Variants in PIGO observed in about 807,000 individuals in gnomAD.
The protein encoded by PIGO is GPI ethanolamine phosphate transferase 3, catalytic subunit.
PIGO carries 66 observed loss-of-function variants against 86.9 expected under a neutral mutation model. The observed-to-expected ratio is 0.76, with a 90% confidence interval of 0.62 to 0.93. The LOEUF (loss-of-function observed/expected upper bound fraction) is 0.93, where lower values mean the gene tolerates loss of function less well. Ranked by LOEUF, PIGO falls within the 40% of genes least tolerant of loss-of-function variation. The pLI is 0.00. For synonymous variants in PIGO, 570 were observed against 556.4 expected (o/e 1.02, Z -0.34); for missense variants, 1,202 against 1,359.1 (o/e 0.88, Z 1.82).
chr9:35,092,935 G>T (rs1829501386), intron 6 of PIGO, 95 bp downstream of exon 6: 1 of 1,445,630 alleles, frequency 6.9e-7, no homozygotes, highest in Non-Finnish European at 9.3e-7. Context: ...TGGAAGGTGG[G>T]ACTAAGACTA....
chr9:35,090,006 A>C, intron 9 of PIGO, 60 bp downstream of exon 9: 1 of 1,560,728 alleles, frequency 6.4e-7, no homozygotes, highest in Non-Finnish European at 8.7e-7. Context: ...AAGGTCTGAA[A>C]GAAAGTGATG....
chr9:35,094,942 C>G, intron 2 of PIGO, 113 bp downstream of exon 2: 1 of 1,402,858 alleles, frequency 7.1e-7, no homozygotes, highest in South Asian at 1.4e-5. Flanking sequence ...TCCTCTGTCC[C>G]CCTACACCAT....
rs1829383304 is a variant in PIGO, at chr9:35,090,771, C to T, written c.2648-99G>A. On this transcript the variant is annotated intron_variant, in intron 7 of 10. Transcript: ENST00000378617. ...TACTCCTACTACTTCAGTATCAATT[C>T]TCATACACACTCAAATGCCTATCAG... is the stretch of plus-strand genomic sequence containing the variant. 9.7e-6 allele frequency: 11 copies of T among 1,138,870 alleles called. No homozygotes were observed. In the South Asian group the frequency reaches 1.7e-4, roughly 18 times the overall value. 70.5% of individuals were successfully genotyped at this position (1,138,870 alleles called of 1,614,324 possible). A position where few individuals can be genotyped will look rare whatever the true frequency, so the allele number is the denominator to read the frequency against.
Position 35,092,690 on chromosome 9 carries a change from G to A in PIGO, c.1197C>T (p.Leu399=). 6.2e-7 allele frequency: 1 copy of A among 1,614,174 alleles called. No homozygotes were observed. Among genetic ancestry groups the A allele is most frequent in the Non-Finnish European group, 8.5e-7 (1 of 1,180,038 alleles). The change falls in exon 7 of 11, where the codon CTC becomes CTT. Residue 399 remains leucine (L), a synonymous_variant. Transcript: ENST00000378617. ...QAKELHQLQN[L]FSKASADYQW... ...GGTAGTCAGCAGAGGCCTTGGAGAA[G>A]AGGTTCTGCAGCTGATGAAGCTCCT...
chr9:35,092,214 G>T lies in PIGO; in HGVS notation c.1673C>A (p.Ala558Asp). Residue 558 changes from alanine (A) to aspartate (D), a missense_variant, in exon 7 of 11, where the codon GCT becomes GAT. By Grantham distance (126) the Ala-to-Asp change is moderately radical. Transcript: ENST00000378617. ...AACAAAACTATCAGAGAAGAACACA[G>T]CCAAGCGAAACAGCAGGAGTAACAG... ...PVLLLLLFRL[A>D]VFFSDSFVVA... 1 of 1,614,228 alleles carries T rather than the reference G, an allele frequency of 6.2e-7. No individual in the cohort carries two copies. Among genetic ancestry groups the T allele is most frequent in the Middle Eastern group, 1.6e-4 (1 of 6,062 alleles).
Position 35,088,978 on chromosome 9 carries a change from T to A in PIGO, c.*114A>T. The A allele has an allele frequency of 7.0e-7, 1 of 1,431,410 alleles. No individual in the cohort carries two copies. 88.7% of individuals were successfully genotyped at this position (1,431,410 alleles called of 1,614,324 possible). ...TAGATGTCAGCGGCCCCTGGCTGCA[T>A]GATAGTAAGAGTATGGCTGAGCCTG... is the stretch of plus-strand genomic sequence containing the variant. On this transcript the variant is annotated 3_prime_UTR_variant, in exon 11 of 11. Coordinates refer to ENST00000378617, the MANE Select transcript of PIGO (RefSeq NM_032634.4).
At position 35,091,822 on chromosome 9, in the gene PIGO, G is replaced by A. The variant is rs775041042; in HGVS notation, c.2065C>T (p.Arg689Cys). The A allele has an allele frequency of 7.4e-6, 12 of 1,613,602 alleles. No individual in the cohort carries two copies. The highest frequency in any genetic ancestry group is 1.3e-5 in the African/African-American group (1 of 74,916). ...ALLAAVRLWL[R>C]RYGNLKSPEP... ...GGGCTCTTGAGATTACCATAGCGGC[G>A]AAGCCACAAGCGCACGGCAGCTAAC... Residue 689 changes from arginine (R) to cysteine (C), a missense_variant, in exon 7 of 11, where the codon CGC (arginine) becomes TGC (cysteine). By Grantham distance (180) the Arg-to-Cys change is radical. Coordinates refer to ENST00000378617, the MANE Select transcript of PIGO (RefSeq NM_032634.4).
Position 35,092,390 on chromosome 9 carries a change from T to C in PIGO, c.1497A>G (p.Gly499=). The change falls in exon 7 of 11, where the codon GGA becomes GGG. Residue 499 remains glycine (G), a synonymous_variant. Transcript: ENST00000378617. ...GCTTCAGCTCAATAGTTCCCAGGAGTCCAGCATACGCTATGGCCCCAACCA... is the reference window on the plus strand; with the variant it reads ...GCTTCAGCTCAATAGTTCCCAGGAGCCCAGCATACGCTATGGCCCCAACCA... ...WGLVGAIAYA[G]LLGTIELKLD... is the part of the protein sequence containing the mutation. The C allele has an allele frequency of 1.2e-6, 2 of 1,613,704 alleles. No individual in the cohort carries two copies. The highest frequency in any genetic ancestry group is 2.7e-5 in the African/African-American group (2 of 74,874).
chr9:35,094,102 G>A lies in PIGO; in HGVS notation c.656-78C>T, dbSNP rs559765836. On this transcript the variant is annotated intron_variant, in intron 3 of 10. Coordinates refer to ENST00000378617, the MANE Select transcript of PIGO (RefSeq NM_032634.4). ...CAGCCAGGCTTTGACACTCCTCTAT[G>A]TCCAGGGATACAAGCCCAGGCTGTT... 7.8e-4 allele frequency: 1,234 copies of A among 1,573,536 alleles called. 10 individuals carry two copies. The South Asian group carries it at 0.013, about 17-fold the overall frequency.
In PIGO at chr9:35,093,728, A is replaced by T. The variant is rs1370061501; in HGVS notation, c.780-148T>A. On this transcript the variant is annotated intron_variant, in intron 4 of 10. Coordinates refer to ENST00000378617, the MANE Select transcript of PIGO (RefSeq NM_032634.4). ...TTGGCAAAGAGACATGTCTTCGGCCATGATCCTGATGCCCAAAGCTACACA... is the reference window on the plus strand; with the variant it reads ...TTGGCAAAGAGACATGTCTTCGGCCTTGATCCTGATGCCCAAAGCTACACA... The T allele has an allele frequency of 2.1e-6, 3 of 1,423,312 alleles. No individual in the cohort carries two copies. In the African/African-American group the frequency reaches 4.3e-5, roughly 20 times the overall value. 88.2% of individuals were successfully genotyped at this position (1,423,312 alleles called of 1,614,324 possible). A position where few individuals can be genotyped will look rare whatever the true frequency, so the allele number is the denominator to read the frequency against.
chr9:35,090,103 T>C lies in PIGO; in HGVS notation c.3032A>G (p.Gln1011Arg). The C allele has an allele frequency of 6.2e-7, 1 of 1,614,254 alleles. No individual in the cohort carries two copies. The highest frequency in any genetic ancestry group is 8.5e-7 in the Non-Finnish European group (1 of 1,180,022). The change falls in exon 9 of 11, where the codon CAG becomes CGG. Residue 1011 changes from glutamine to arginine, a missense_variant. By Grantham distance (43) the Gln-to-Arg change is conservative. Coordinates refer to ENST00000378617, the MANE Select transcript of PIGO (RefSeq NM_032634.4). ...APQHFYAALLQLGLKYLFILG... is the reference protein window; with the variant it reads ...APQHFYAALLRLGLKYLFILG... ...GATAAAGAGGTACTTGAGGCCCAGC[T>C]GCAGCAGTGCTGCATAGAAGTGCTG...
chr9:35,092,285 C>A lies in PIGO; in HGVS notation c.1602G>T (p.Gly534=). The A allele has an allele frequency of 6.2e-7, 1 of 1,614,160 alleles. No individual in the cohort carries two copies. The highest frequency in any genetic ancestry group is 8.5e-7 in the Non-Finnish European group (1 of 1,180,026). The change falls in exon 7 of 11, where the codon GGG becomes GGT. Residue 534 remains glycine (G), a synonymous_variant. Coordinates refer to ENST00000378617, the MANE Select transcript of PIGO (RefSeq NM_032634.4). ...ACAGGGTTGCCAGGGGCCTCTTGGA[C>A]CCCCAGCCAGCCCAGGCTTTCCACA... The part of the protein sequence containing the change: ...PFLWKAWAGW[G]SKRPLATLFP...
chr9:35,092,577 G>A lies in PIGO; in HGVS notation c.1310C>T (p.Ala437Val), dbSNP rs747675531. The change falls in exon 7 of 11, where the codon GCC (alanine) becomes GTC (valine). Residue 437 changes from alanine to valine, a missense_variant. By Grantham distance (64) the Ala-to-Val change is moderately conservative. Transcript: ENST00000378617. Reference sequence around the variant, plus strand: ...ACGAGCCCAAGACTCGATGCACATGGCCCGAGCTCCCCGCAGGAACTGCTG... The same window carrying A: ...ACGAGCCCAAGACTCGATGCACATGACCCGAGCTCCCCGCAGGAACTGCTG... ...ELQQFLRGAR[A>V]MCIESWARFS... 1.2e-6 allele frequency: 2 copies of A among 1,614,238 alleles called. No individual in the cohort carries two copies. The highest frequency in any genetic ancestry group is 2.2e-5 in the East Asian group (1 of 44,884).
rs1472195109 is a variant in PIGO, at chr9:35,090,200, C to A, written c.2935G>T (p.Glu979Ter). Residue 979 changes from glutamate (E) to a stop codon, truncating the protein, a stop_gained, in exon 9 of 11, where the codon GAA becomes TAA. Transcript: ENST00000378617. LOFTEE classifies it high-confidence loss of function. ...TCGGGTCTGACTCTGGCATCAGCTT[C>A]ATTCCCTGGGGGCTGCTGTCTCTTC... ...LRKRQQPPGN[E>*]ADARVRPEEE... 1 of 1,614,214 alleles carries A rather than the reference C, an allele frequency of 6.2e-7. No homozygotes were observed. The highest frequency in any genetic ancestry group is 8.5e-7 in the Non-Finnish European group (1 of 1,180,052).
intron 5 of PIGO, 26 bp downstream of exon 5, chr9:35,093,395 C>G: frequency 1.9e-6 from 3 of 1,613,596 alleles, no homozygotes; most frequent in Non-Finnish European, 2.5e-6. Flanking sequence ...ACTGGGAGAA[C>G]AGATGAGGAA....
Position 35,094,320 on chromosome 9 carries a change from T to C in PIGO, c.551A>G (p.Asp184Gly). The change falls in exon 3 of 11, where the codon GAC becomes GGC. Residue 184 changes from aspartate (D) to glycine (G), a missense_variant. Asp to Gly is a moderately conservative substitution (Grantham distance 94). Transcript: ENST00000378617. ...VVFMGDDTWK[D>G]LFPGAFSKAF... Reference sequence around the variant, plus strand: ...TTTGGAGAAAGCACCAGGGAAAAGGTCTTTCCAGGTATCATCTCCCATGAA... The same window carrying C: ...TTTGGAGAAAGCACCAGGGAAAAGGCCTTTCCAGGTATCATCTCCCATGAA... 1 of 1,608,308 alleles carries C rather than the reference T, an allele frequency of 6.2e-7. No individual in the cohort carries two copies. Among genetic ancestry groups the C allele is most frequent in the East Asian group, 2.2e-5 (1 of 44,844 alleles).
At position 35,095,502 on chromosome 9, in the gene PIGO, C is replaced by A. The variant is rs368371015; in HGVS notation, c.64G>T (p.Ala22Ser). ...WVCFLFYAGI[A>S]LFTSGFLLTR... ...AGCAGGAAGCCACTGGTGAAGAGGG[C>A]AATGCCAGCGTAGAAGAGGAAGCAG... is the stretch of plus-strand genomic sequence containing the variant. Residue 22 changes from alanine to serine, a missense_variant, in exon 2 of 11, where the codon GCC becomes TCC. By Grantham distance (99) the Ala-to-Ser change is moderately conservative. Transcript: ENST00000378617. 3.1e-6 allele frequency: 5 copies of A among 1,610,716 alleles called. No homozygotes were observed. Among genetic ancestry groups the A allele is most frequent in the Non-Finnish European group, 4.2e-6 (5 of 1,178,292 alleles).
Position 35,091,099 on chromosome 9 carries a change from C to T in PIGO, c.2647+141G>A, listed in dbSNP as rs1829395276. The T allele has an allele frequency of 5.2e-6, 5 of 967,992 alleles. No individual in the cohort carries two copies. The East Asian group carries it at 1.3e-4, about 25-fold the overall frequency. 60.0% of individuals were successfully genotyped at this position (967,992 alleles called of 1,614,324 possible). A position where few individuals can be genotyped will look rare whatever the true frequency, so the allele number is the denominator to read the frequency against. ...GCTATGGCAGGTAAGAGAGAGGACA[C>T]CAAGAAGACCTTCCTAGTTGTGTGG... On this transcript the variant is annotated intron_variant, in intron 7 of 10. Coordinates refer to ENST00000378617, the MANE Select transcript of PIGO (RefSeq NM_032634.4).
chr9:35,092,758 A>G lies in PIGO; in HGVS notation c.1129T>C (p.Phe377Leu), dbSNP rs1396948698. The G allele has an allele frequency of 2.5e-6, 4 of 1,604,162 alleles. No homozygotes were observed. In the South Asian group the frequency reaches 4.5e-5, roughly 18 times the overall value. ...GTAGCAGCTGAGTAGGTATGAAGAA[A>G]TCGGGACACCTGGCAGAGAAAAGGT... ...LHLNAQQVSR[F>L]LHTYSAATQD... The change falls in exon 7 of 11, where the codon TTT becomes CTT. Residue 377 changes from phenylalanine (F) to leucine (L), a missense_variant. Phe to Leu is a conservative substitution (Grantham distance 22). Transcript: ENST00000378617.
Sources: allele counts gnomAD v4.1 joint callset, GRCh38; gene constraint gnomAD v4.1.1; transcripts MANE v1.5; gene names NCBI Gene and HGNC (gene_info 2026-07-23, HGNC 2026-07-21).